Variants in PACRGL observed in about 807,000 individuals in gnomAD.
The protein encoded by PACRGL is parkin coregulated like, also known as PACRG-like protein.
PACRGL carries 38 observed loss-of-function variants against 34.5 expected under a neutral mutation model. The observed-to-expected ratio is 1.10, with a 90% confidence interval of 0.85 to 1.44. PACRGL has a LOEUF of 1.44. Ranked by LOEUF, PACRGL falls within the 40% of genes most tolerant of loss-of-function variation. PACRGL has a pLI of 0.00. For synonymous variants in PACRGL, 128 were observed against 100.1 expected (o/e 1.28, Z -1.66); for missense variants, 305 against 281.4 (o/e 1.08, Z -0.60).
rs1373207560 is a variant in PACRGL at position 20,709,755 on chromosome 4, T to C, written c.348T>C (p.Leu116=). 4 of 1,602,826 alleles carry C rather than the reference T, an allele frequency of 2.5e-6. No homozygotes were observed. The highest frequency in any genetic ancestry group is 3.4e-6 in the Non-Finnish European group (4 of 1,170,436). ...CTGAAAGTCTTTCATTTGATCCACT[T>C]CTTATTACTTTAGCTGAGGTAAATA... The part of the protein sequence containing the change: ...CPPESLSFDP[L]LITLAEGLRE... Residue 116 remains leucine (L), a synonymous_variant, in exon 5 of 9, where the codon CTT becomes CTC. Transcript: ENST00000503585.
At chr4:20,733,705 T>A (rs369327599), downstream of PACRGL, among the ~76,000 whole-genome samples, 3 of 152,168 alleles carry the variant, frequency 2.0e-5, no homozygotes, top group African/African-American at 7.2e-5. Context: ...ATATTCATGA[T>A]ATAAAAATAT....
Position 20,725,007 on chromosome 4 carries a change from T to A in PACRGL, c.690+119T>A, listed in dbSNP as rs546927578. 204 of 551,620 alleles carry A rather than the reference T, an allele frequency of 3.7e-4. 1 individual carries two copies. The highest frequency in any genetic ancestry group is 3.6e-3 in the African/African-American group (183 of 51,000). The allele number at this position is 551,620 out of a possible 1,614,324, so 34.2% of individuals were successfully genotyped here. A position where few individuals can be genotyped will look rare whatever the true frequency, so the allele number is the denominator to read the frequency against. On this transcript the variant is annotated intron_variant, in intron 8 of 8. Coordinates refer to ENST00000503585, the MANE Select transcript of PACRGL (RefSeq NM_001258345.3). ...TTCAGCCACAGGTAACTATGTGAAA[T>A]TGATGCTGTTATTTTCCTTTTAGAA...
chr4:20,762,626 G>T, the PACRGL span, among the ~76,000 whole-genome samples: 1 of 152,232 alleles, frequency 6.6e-6, no homozygotes, highest in Admixed American at 6.5e-5. Context: ...CAGGCTGCAT[G>T]TGCAGCAAAG....
chr4:20,725,780 G>A (rs1361360602), intron 8 of PACRGL, among the ~76,000 whole-genome samples: 2 of 151,640 alleles, frequency 1.3e-5, no homozygotes, highest in Admixed American at 1.3e-4. Context: ...TTCTTTCCAT[G>A]ATGGATGCCT....
intron 8 of PACRGL, among the ~76,000 whole-genome samples, chr4:20,746,173 T>C (rs1031551470): frequency 6.6e-6 from 1 of 152,148 alleles, no homozygotes; most frequent in Non-Finnish European, 1.5e-5. Context: ...GTGGCACATA[T>C]ACACCATGGA....
Position 20,731,733 on chromosome 4 carries a change from T to A in PACRGL, c.*4392T>A. On this transcript the variant is annotated 3_prime_UTR_variant, in exon 9 of 9. Coordinates refer to ENST00000503585, the MANE Select transcript of PACRGL (RefSeq NM_001258345.3). ...TCATGTATGTTTTATCCTCCATGAATACTCTCTAAGGAATTTGGGAATCAA... is the reference window on the plus strand; with the variant it reads ...TCATGTATGTTTTATCCTCCATGAAAACTCTCTAAGGAATTTGGGAATCAA... 1.0e-6 allele frequency: 1 copy of A among 985,408 alleles called. No homozygotes were observed. The highest frequency in any genetic ancestry group is 1.2e-6 in the Non-Finnish European group (1 of 829,896). 61.0% of individuals were successfully genotyped at this position (985,408 alleles called of 1,614,324 possible).
rs1747299740 is a variant in PACRGL, at chr4:20,729,505, T to TAAAAATGCCAGATAAAA, written c.*2165_*2181dup. On this transcript the variant is annotated 3_prime_UTR_variant, in exon 9 of 9. Coordinates refer to ENST00000503585, the MANE Select transcript of PACRGL (RefSeq NM_001258345.3). ...AAATGTTTAATAATTTTTAAATGTTTAAAAATGCCAGATAAAACTAATTTC... is the reference window on the plus strand; with the variant it reads ...AAATGTTTAATAATTTTTAAATGTTTAAAAATGCCAGATAAAAAAAAATGCCAGATAAAACTAATTTC... 2 of 148,758 alleles carry TAAAAATGCCAGATAAAA rather than the reference T, an allele frequency of 1.3e-5. No homozygotes were observed. Among genetic ancestry groups the TAAAAATGCCAGATAAAA allele is most frequent in the Admixed American group, 6.7e-5 (1 of 14,994 alleles). 9.2% of individuals were successfully genotyped at this position (148,758 alleles called of 1,614,324 possible). A position where few individuals can be genotyped will look rare whatever the true frequency, so the allele number is the denominator to read the frequency against.
chr4:20,765,053 A>G, the PACRGL span, among the ~76,000 whole-genome samples: 1 of 152,328 alleles, frequency 6.6e-6, no homozygotes, highest in Non-Finnish European at 1.5e-5. Context: ...TGACAGAGAC[A>G]TCTTTTTGCT....
chr4:20,719,638 T>C (rs1415563918), intron 7 of PACRGL, among the ~76,000 whole-genome samples: 139 of 152,334 alleles, frequency 9.1e-4, no homozygotes, highest in African/African-American at 3.0e-3. Context: ...AGTTGAGCGG[T>C]TTTGAGTGAG....
the PACRGL span, among the ~76,000 whole-genome samples, chr4:20,763,349 G>A: frequency 6.6e-6 from 1 of 152,192 alleles, no homozygotes. Context: ...AATCTTGGGT[G>A]AGTGTACAGA....
chr4:20,709,135 G>A (rs562380214), intron 4 of PACRGL, among the ~76,000 whole-genome samples: 4 of 152,068 alleles, frequency 2.6e-5, no homozygotes, highest in Non-Finnish European at 5.9e-5. Flanking sequence ...GTGAAACTTC[G>A]TCTCAAAAAA....
At position 20,709,717 on chromosome 4, in the gene PACRGL, T is replaced by TGG. The variant is rs1273969404; in HGVS notation, c.312_313dup (p.Glu105GlyfsTer17). 6.2e-7 allele frequency: 1 copy of TGG among 1,610,288 alleles called. No individual in the cohort carries two copies. The highest frequency in any genetic ancestry group is 8.5e-7 in the Non-Finnish European group (1 of 1,177,244). On this transcript the variant is annotated frameshift_variant, in exon 5 of 9. Transcript: ENST00000503585. LOFTEE classifies it high-confidence loss of function. ...TGGTTCAGTAAAACACAGATTACAG[T>TGG]GGGAATGTCCTCCTGAAAGTCTTTC...
Position 20,729,630 on chromosome 4 carries a change from T to TAGAAAACCATTCAAAACCCTAGGACTG in PACRGL, c.*2290_*2291insGAAAACCATTCAAAACCCTAGGACTGA. The TAGAAAACCATTCAAAACCCTAGGACTG allele has an allele frequency of 6.7e-6, 1 of 149,190 alleles. No individual in the cohort carries two copies. Among genetic ancestry groups the TAGAAAACCATTCAAAACCCTAGGACTG allele is most frequent in the Admixed American group, 6.7e-5 (1 of 14,898 alleles). The allele number at this position is 149,190 out of a possible 1,614,324, so 9.2% of individuals were successfully genotyped here. On this transcript the variant is annotated 3_prime_UTR_variant, in exon 9 of 9. Transcript: ENST00000503585. Reference sequence around the variant, plus strand: ...TATATAAATGGAATTTAAATGGAATTACAGCATTCAAACATGAAAATTAAT... The same window carrying TAGAAAACCATTCAAAACCCTAGGACTG: ...TATATAAATGGAATTTAAATGGAATTAGAAAACCATTCAAAACCCTAGGACTGACAGCATTCAAACATGAAAATTAAT...
At chr4:20,721,673 C>G (rs188710353) in intron 7 of PACRGL, among the ~76,000 whole-genome samples, 1 of 152,178 alleles carries the variant, frequency 6.6e-6, no homozygotes, top group African/African-American at 2.4e-5. Context: ...GCTGCCTGAT[C>G]GTTCCTCTGG....
chr4:20,721,703 T>A (rs934736951), intron 7 of PACRGL, among the ~76,000 whole-genome samples: 5 of 152,156 alleles, frequency 3.3e-5, no homozygotes, highest in Admixed American at 3.3e-4. Context: ...CTCAGAGGGG[T>A]ACTCGGCCGT....
Position 20,730,243 on chromosome 4 carries a change from A to C in PACRGL, c.*2902A>C. 7.7e-7 allele frequency: 1 copy of C among 1,295,234 alleles called. No individual in the cohort carries two copies. The allele number at this position is 1,295,234 out of a possible 1,614,324, so 80.2% of individuals were successfully genotyped here. A position where few individuals can be genotyped will look rare whatever the true frequency, so the allele number is the denominator to read the frequency against. ...CAACCACCTCAACCACCTATGCCAA[A>C]AGCTCAAATATTAAGTGTTTGCAAA... On this transcript the variant is annotated 3_prime_UTR_variant, in exon 9 of 9. Transcript: ENST00000503585.
chr4:20,736,472 C>A (rs971932041), downstream of PACRGL, among the ~76,000 whole-genome samples: 5 of 152,008 alleles, frequency 3.3e-5, no homozygotes, highest in Admixed American at 1.3e-4. Flanking sequence ...TAATTTTATA[C>A]CCTGTCAATT....
At chr4:20,721,158 C>G (rs1742929538) in intron 7 of PACRGL, among the ~76,000 whole-genome samples, 2 of 152,144 alleles carry the variant, frequency 1.3e-5, no homozygotes, top group Non-Finnish European at 1.5e-5. Flanking sequence ...GTTCTCGTGC[C>G]ATGGTGTTCA....
downstream of PACRGL, among the ~76,000 whole-genome samples, chr4:20,753,739 T>G (rs1255053849): frequency 6.6e-6 from 1 of 152,130 alleles, no homozygotes; most frequent in African/African-American, 2.4e-5. Context: ...ACCCTGAAAA[T>G]TGTTAGAAAT....
Sources: allele counts gnomAD v4.1 joint callset (sites outside exome capture counted in the v4.1 genomes callset), GRCh38; gene constraint gnomAD v4.1.1; transcripts MANE v1.5; gene names NCBI Gene and HGNC (gene_info 2026-07-23, HGNC 2026-07-21).